Variants in PPP6R2 observed in about 807,000 individuals in gnomAD.
PPP6R2 encodes serine/threonine-protein phosphatase 6 regulatory subunit 2.
In PPP6R2, 62 loss-of-function variants were observed where a neutral mutation model predicts 100.2. That is an observed-to-expected ratio of 0.62 (90% CI 0.50 to 0.76). PPP6R2 has a LOEUF of 0.76. Ranked by LOEUF, PPP6R2 falls within the 30% of genes least tolerant of loss-of-function variation. The pLI is 0.00. For missense variants in PPP6R2, 1,142 were observed against 1,276.3 expected (o/e 0.89, Z 1.60); for synonymous variants, 525 against 514.7 (o/e 1.02, Z -0.27).
chr22:50,406,560 C>A, intron 3 of PPP6R2, 129 bp from the exon 4 acceptor site: 1 of 826,886 alleles, frequency 1.2e-6, no homozygotes, highest in Non-Finnish European at 1.9e-6. Flanking sequence ...CGTTTTTGTT[C>A]TGTTCTGAGG....
At chr22:50,384,015 G>A (rs1215780138) in intron 2 of PPP6R2, among the ~76,000 whole-genome samples, 4 of 143,732 alleles carry the variant, frequency 2.8e-5, no homozygotes, top group African/African-American at 5.1e-5. Flanking sequence ...CAGCCTGGGC[G>A]GCTGAGCGAG....
At chr22:50,351,970 A>AT (rs1255925689) in intron 1 of PPP6R2, among the ~76,000 whole-genome samples, 1 of 151,524 alleles carries the variant, frequency 6.6e-6, no homozygotes, top group Admixed American at 6.6e-5. Flanking sequence ...ATTTTTTTGT[A>AT]TTTTTTAGTA....
chr22:50,431,609 G>T lies in PPP6R2; in HGVS notation c.1335+227G>T, dbSNP rs185287040. Among the ~76,000 whole-genome samples the T allele has an allele frequency of 2.6e-5, 4 of 152,288 alleles. No homozygotes were observed. Among genetic ancestry groups the T allele is most frequent in the Middle Eastern group, 3.4e-3 (1 of 294 alleles). ...CAGCAGGGGTACTGGTGCCTTCCACGTGCAGGCCTGGCAAGGGTTAGCACT... is the reference window on the plus strand; with the variant it reads ...CAGCAGGGGTACTGGTGCCTTCCACTTGCAGGCCTGGCAAGGGTTAGCACT... On this transcript the variant is annotated intron_variant, in intron 11 of 23. Coordinates refer to ENST00000612753, the MANE Select transcript of PPP6R2 (RefSeq NM_001242898.2). This position sits in a 1 kb window ranked among gnomAD's most constrained non-coding sequence, Gnocchi z 4.8.
upstream of PPP6R2, among the ~76,000 whole-genome samples, chr22:50,342,352 G>T (rs541927537): frequency 6.6e-6 from 1 of 152,376 alleles, no homozygotes; most frequent in East Asian, 1.9e-4. Flanking sequence ...CTGGGGAAAG[G>T]CTCGCCAGAG....
intron 10 of PPP6R2, among the ~76,000 whole-genome samples, chr22:50,424,758 C>T (rs900447739): frequency 2.0e-5 from 3 of 151,646 alleles, no homozygotes; most frequent in Middle Eastern, 3.4e-3. Context: ...CTGCCTCAGC[C>T]TCCCGAGTAG....
In PPP6R2 at chr22:50,422,389, C is replaced by T. The variant is rs201618895; in HGVS notation, c.972+9C>T. The T allele has an allele frequency of 4.7e-5, 76 of 1,613,516 alleles. 1 individual carries two copies. In the Middle Eastern group the frequency reaches 1.5e-3, roughly 32 times the overall value. On this transcript the variant is annotated intron_variant, in intron 9 of 23. Coordinates refer to ENST00000612753, the MANE Select transcript of PPP6R2 (RefSeq NM_001242898.2). ...TGCTCAACCCGCCCAAGGTAAATGG[C>T]CGTGGCGACTGCTGAGTGCCTTTGG...
the PPP6R2 span, among the ~76,000 whole-genome samples, chr22:50,335,698 T>C: frequency 0.013 from 1,784 of 134,902 alleles, 218 homozygotes; most frequent in African/African-American, 0.053. Context: ...TTTTTTGAGA[T>C]GGAGTCTCGC....
chr22:50,374,188 A>G (rs1218216483), intron 2 of PPP6R2, among the ~76,000 whole-genome samples: 2 of 152,148 alleles, frequency 1.3e-5, no homozygotes, highest in Admixed American at 1.3e-4. Context: ...TTGGCCAAAT[A>G]TAATTTCTGT....
intron 2 of PPP6R2, chr22:50,393,532 G>A (rs373111676): frequency 1.2e-5 from 12 of 985,072 alleles, no homozygotes; most frequent in Non-Finnish European, 1.4e-5. Context: ...GCTGGTGGGT[G>A]GGGGACAGTG....
intron 1 of PPP6R2, among the ~76,000 whole-genome samples, chr22:50,356,865 C>T (rs2046704553): frequency 6.6e-6 from 1 of 151,670 alleles, no homozygotes. Context: ...ACCCGGGAGG[C>T]AGAGGTTGCA....
intron 2 of PPP6R2, among the ~76,000 whole-genome samples, chr22:50,383,171 A>G (rs1033686878): frequency 2.0e-5 from 3 of 152,166 alleles, no homozygotes; most frequent in Non-Finnish European, 4.4e-5. Context: ...GAAGGGGTCC[A>G]TGAATACTCA....
intron 1 of PPP6R2, among the ~76,000 whole-genome samples, chr22:50,355,819 C>G (rs2046412122): frequency 6.7e-6 from 1 of 149,786 alleles, no homozygotes; most frequent in Non-Finnish European, 1.5e-5. Context: ...CTGCGCCTGG[C>G]ACAGCCTTAT....
At chr22:50,352,618 G>A (rs776511978) in intron 1 of PPP6R2, among the ~76,000 whole-genome samples, 33 of 152,026 alleles carry the variant, frequency 2.2e-4, no homozygotes, top group Middle Eastern at 3.4e-3. Flanking sequence ...CCAGCTACTC[G>A]GGAGGCTGAA....
upstream of PPP6R2, among the ~76,000 whole-genome samples, chr22:50,338,638 G>GTGTGTGA (rs2042330832): frequency 7.2e-6 from 1 of 139,242 alleles, no homozygotes; most frequent in African/African-American, 2.7e-5. Flanking sequence ...ATGGTGTGTG[G>GTGTGTGA]TGTCTGTGGT....
chr22:50,406,996 TCTG>T (rs1406338027), intron 4 of PPP6R2, 121 bp downstream of exon 4: 7 of 991,614 alleles, frequency 7.1e-6, no homozygotes, highest in Non-Finnish European at 9.3e-6. Context: ...CTGTGACTCT[TCTG>T]CGCAACACGT....
chr22:50,391,382 A>G (rs1412459551), intron 2 of PPP6R2, among the ~76,000 whole-genome samples: 1 of 141,300 alleles, frequency 7.1e-6, no homozygotes, highest in Non-Finnish European at 1.5e-5. Flanking sequence ...GCAGTGAGCC[A>G]AGATCGTGCC....
chr22:50,438,628 G>A lies in PPP6R2; in HGVS notation c.1994G>A (p.Cys665Tyr). 1.2e-6 allele frequency: 2 copies of A among 1,614,042 alleles called. No homozygotes were observed. The highest frequency in any genetic ancestry group is 1.7e-6 in the Non-Finnish European group (2 of 1,179,982). ...GGAGCCCCCCATGCTTCAGAGAGTT[G>A]CTCAAAGAATGGCCCAGAGCGTGGA... The part of the protein sequence containing the change: ...RFGAPHASES[C>Y]SKNGPERGGQ... The change falls in exon 19 of 24, where the codon TGC (cysteine) becomes TAC (tyrosine). Residue 665 changes from cysteine (C) to tyrosine (Y), a missense_variant. Coordinates refer to ENST00000612753, the MANE Select transcript of PPP6R2 (RefSeq NM_001242898.2).
rs2066695001 is a variant in PPP6R2, at chr22:50,444,936, T to TC, written c.*690dup. On this transcript the variant is annotated 3_prime_UTR_variant, in exon 24 of 24. Transcript: ENST00000612753. ...GGGGACATGGTGTGGCACTAGGGGC[T>TC]CGAAGACTGGTTTCTAGCACTACCG... The TC allele has an allele frequency of 6.6e-6, 1 of 152,566 alleles. No homozygotes were observed. Among genetic ancestry groups the TC allele is most frequent in the South Asian group, 2.1e-4 (1 of 4,842 alleles). The allele number at this position is 152,566 out of a possible 1,614,324, so 9.5% of individuals were successfully genotyped here.
Position 50,370,343 on chromosome 22 carries a change from A to G in PPP6R2, c.-147-1677A>G, listed in dbSNP as rs182405231. Among the ~76,000 whole-genome samples, 1,410 of 152,242 alleles carry G rather than the reference A, an allele frequency of 9.3e-3. 25 individuals carry two copies. Among genetic ancestry groups the G allele is most frequent in the African/African-American group, 0.032 (1,326 of 41,562 alleles). On this transcript the variant is annotated intron_variant, in intron 1 of 23. Transcript: ENST00000612753. ...TGCACTGTCACCAGGGCTGGAGTGC[A>G]ATGGCGCGATCTCGGCTCACTGCAA...
Sources: allele counts gnomAD v4.1 joint callset (sites outside exome capture counted in the v4.1 genomes callset), GRCh38; gene constraint gnomAD v4.1.1; non-coding constraint Gnocchi (gnomAD v3.1); transcripts MANE v1.5; gene names NCBI Gene and HGNC (gene_info 2026-07-23, HGNC 2026-07-21).